SLC22A2: variants seen among roughly 807,000 people sequenced by gnomAD.
SLC22A2 encodes solute carrier family 22 member 2, also known as organic cation transporter 2.
In SLC22A2, 46 loss-of-function variants were observed where a neutral mutation model predicts 60.5. The observed-to-expected ratio is 0.76, with a 90% CI of 0.60 to 0.97. SLC22A2 has a LOEUF of 0.97. SLC22A2 is among the 50% of genes least tolerant of loss of function. SLC22A2 has a pLI of 0.00. For missense variants in SLC22A2, 701 were observed against 706.6 expected (o/e 0.99, Z 0.09); for synonymous variants, 303 against 267.0 (o/e 1.13, Z -1.31).
At position 160,245,569 on chromosome 6, in the gene SLC22A2, G is replaced by T. The variant is rs781237130; in HGVS notation, c.958-24C>A. 5 of 1,469,016 alleles carry T rather than the reference G, an allele frequency of 3.4e-6. No individual in the cohort carries two copies. The Admixed American group carries it at 5.2e-5, about 15-fold the overall frequency. 91.0% of individuals were successfully genotyped at this position (1,469,016 alleles called of 1,614,324 possible). A position where few individuals can be genotyped will look rare whatever the true frequency, so the allele number is the denominator to read the frequency against. ...CGCTAAGAAAAGGAATAGAAAGGAC[G>T]GCTTTGTATATTTAATGCTAGTGTC... On this transcript the variant is annotated intron_variant, in intron 5 of 10. Transcript: ENST00000366953.
At chr6:160,241,445 A>G in intron 9 of SLC22A2, 29 bp downstream of exon 9, 1 of 1,452,134 alleles carries the variant, frequency 6.9e-7, no homozygotes. Context: ...ATAAGTTTTC[A>G]CTTAAAGACA....
chr6:160,237,047 G>T (rs1343348944), intron 9 of SLC22A2, among the ~76,000 whole-genome samples: 1 of 152,150 alleles, frequency 6.6e-6, no homozygotes, highest in Non-Finnish European at 1.5e-5. Context: ...ACTGGAGAGA[G>T]AAAAATTATG....
At chr6:160,232,869 T>C (rs1468464616) in intron 9 of SLC22A2, among the ~76,000 whole-genome samples, 1 of 151,886 alleles carries the variant, frequency 6.6e-6, no homozygotes, top group Non-Finnish European at 1.5e-5. Flanking sequence ...ATATTAATCT[T>C]TTCCCACGTA....
chr6:160,241,574 G>A lies in SLC22A2; in HGVS notation c.1401C>T (p.Val467=), dbSNP rs150129033. 549 of 1,611,574 alleles carry A rather than the reference G, an allele frequency of 3.4e-4. 2 individuals carry two copies. Among genetic ancestry groups the A allele is most frequent in the Middle Eastern group, 2.1e-3 (13 of 6,056 alleles). ...TGTCACACATTGAGGAACAGATGTG[G>A]ACGCCAAGATTCCTAGAATGCAGGA... ...LYPTFIRNLG[V]HICSSMCDIG... is the part of the protein sequence containing the mutation. Residue 467 remains valine, a synonymous_variant, in exon 9 of 11, where the codon GTC becomes GTT. Coordinates refer to ENST00000366953, the MANE Select transcript of SLC22A2 (RefSeq NM_003058.4).
In SLC22A2 at chr6:160,250,759, T is replaced by A. The variant is rs1783171205; in HGVS notation, c.519-57A>T. The stretch of plus-strand genomic sequence containing the variant: ...AATTAATTTTGATTTGTGAAGATTG[T>A]GGAAAATGCATGGAAGTTATGGAAA... On this transcript the variant is annotated intron_variant, in intron 2 of 10. Coordinates refer to ENST00000366953, the MANE Select transcript of SLC22A2 (RefSeq NM_003058.4). 5 of 1,548,180 alleles carry A rather than the reference T, an allele frequency of 3.2e-6. No individual in the cohort carries two copies. In the South Asian group the frequency reaches 5.6e-5, roughly 17 times the overall value.
chr6:160,243,562 T>C lies in SLC22A2; in HGVS notation c.1279+10A>G, dbSNP rs761753040. On this transcript the variant is annotated intron_variant, in intron 7 of 10. Transcript: ENST00000366953. ...TTGGAGATAAGACTCCAACTTCACC[T>C]GAAACTTACCACCAGGTATAAAAAC... The C allele has an allele frequency of 3.1e-6, 5 of 1,604,766 alleles. No individual in the cohort carries two copies. In the South Asian group the frequency reaches 5.5e-5, roughly 18 times the overall value.
intron 10 of SLC22A2, among the ~76,000 whole-genome samples, chr6:160,222,400 G>A (rs1782657168): frequency 6.6e-6 from 1 of 152,186 alleles, no homozygotes; most frequent in African/African-American, 2.4e-5. Flanking sequence ...GGCTCTACAG[G>A]ACTTGCTCTT....
At chr6:160,237,921 G>C (rs1782936726) in intron 9 of SLC22A2, among the ~76,000 whole-genome samples, 1 of 152,190 alleles carries the variant, frequency 6.6e-6, no homozygotes, top group African/African-American at 2.4e-5. Context: ...ACTCCCACCA[G>C]TGCCATGACA....
At position 160,242,717 on chromosome 6, in the gene SLC22A2, C is replaced by T. The variant is rs146434170; in HGVS notation, c.1280-315G>A. Among the ~76,000 whole-genome samples, 629 of 152,200 alleles carry T rather than the reference C, an allele frequency of 4.1e-3. 3 individuals carry two copies. Among genetic ancestry groups the T allele is most frequent in the Non-Finnish European group, 6.9e-3 (467 of 68,010 alleles). ...GCCCCCACACATGCATTCCACCCCCCACTGCCCATCATCGACATTCTCCAC... is the reference window on the plus strand; with the variant it reads ...GCCCCCACACATGCATTCCACCCCCTACTGCCCATCATCGACATTCTCCAC... On this transcript the variant is annotated intron_variant, in intron 7 of 10. Coordinates refer to ENST00000366953, the MANE Select transcript of SLC22A2 (RefSeq NM_003058.4).
At chr6:160,231,769 A>ATCCTAAT (rs1782828330) in intron 9 of SLC22A2, among the ~76,000 whole-genome samples, 1 of 151,624 alleles carries the variant, frequency 6.6e-6, no homozygotes, top group African/African-American at 2.4e-5. Context: ...TAAATCCTAA[A>ATCCTAAT]TCCTTTCCCC....
chr6:160,254,609 C>G (rs1252425550), intron 2 of SLC22A2, among the ~76,000 whole-genome samples: 2 of 152,130 alleles, frequency 1.3e-5, no homozygotes, highest in African/African-American at 4.8e-5. Flanking sequence ...AAACAAATTG[C>G]TTTCTCATTT....
Position 160,243,792 on chromosome 6 carries a change from C to T in SLC22A2, c.1065-6G>A, listed in dbSNP as rs370056151. ...AGAGCACAGAGCTCGTGAACCTGAGCAAAGAGGAGAGTTCAGGTCAAGTCA... is the reference window on the plus strand; with the variant it reads ...AGAGCACAGAGCTCGTGAACCTGAGTAAAGAGGAGAGTTCAGGTCAAGTCA... On this transcript the variant is annotated splice_region_variant and splice_polypyrimidine_tract_variant and intron_variant, in intron 6 of 10. Coordinates refer to ENST00000366953, the MANE Select transcript of SLC22A2 (RefSeq NM_003058.4). 3.7e-6 allele frequency: 6 copies of T among 1,608,806 alleles called. No homozygotes were observed. The African/African-American group carries it at 8.0e-5, about 21-fold the overall frequency.
chr6:160,254,296 A>C (rs1262419403), intron 2 of SLC22A2, among the ~76,000 whole-genome samples: 1 of 152,168 alleles, frequency 6.6e-6, no homozygotes, highest in Non-Finnish European at 1.5e-5. Flanking sequence ...AAAAAAATAA[A>C]AAATATAGTA....
At chr6:160,250,387 G>A in intron 3 of SLC22A2, 161 bp downstream of exon 3, 1 of 667,550 alleles carries the variant, frequency 1.5e-6, no homozygotes, top group Non-Finnish European at 2.6e-6. Context: ...AATGCTGAAT[G>A]AGTTGATATG....
At chr6:160,250,965 C>T (rs185925541) in intron 2 of SLC22A2, among the ~76,000 whole-genome samples, 1 of 152,328 alleles carries the variant, frequency 6.6e-6, no homozygotes, top group African/African-American at 2.4e-5. Context: ...CAGTCCCACA[C>T]TGTGGCAGGT....
chr6:160,257,086 A>G (rs1179715125), intron 1 of SLC22A2, among the ~76,000 whole-genome samples: 1 of 152,204 alleles, frequency 6.6e-6, no homozygotes, highest in Non-Finnish European at 1.5e-5. Context: ...TTACATAACC[A>G]AAAGGCTTGC....
chr6:160,240,092 G>T (rs1023739673), intron 9 of SLC22A2, among the ~76,000 whole-genome samples: 1 of 152,134 alleles, frequency 6.6e-6, no homozygotes, highest in African/African-American at 2.4e-5. Context: ...CAGCTTTAGG[G>T]CATGTCCCTG....
At chr6:160,221,755 G>A (rs532220766) in intron 10 of SLC22A2, among the ~76,000 whole-genome samples, 8 of 152,328 alleles carry the variant, frequency 5.3e-5, no homozygotes, top group East Asian at 1.9e-4. Context: ...TAGATCACAC[G>A]CATTTATCAA....
intron 8 of SLC22A2, 67 bp downstream of exon 8, chr6:160,242,227 T>G: frequency 1.1e-6 from 1 of 874,376 alleles, no homozygotes; most frequent in East Asian, 2.4e-5. Flanking sequence ...TGTCTGCACT[T>G]GTGGTGGTTC....
Sources: gnomAD v4.1 joint callset for allele counts (sites outside exome capture counted in the v4.1 genomes callset) on GRCh38, gnomAD v4.1.1 for gene constraint, MANE v1.5 for transcripts, NCBI Gene and HGNC (gene_info 2026-07-23, HGNC 2026-07-21) for gene names.